Variants in AR observed in about 807,000 individuals in gnomAD.
AR encodes the protein dihydrotestosterone receptor.
In AR, 8 loss-of-function variants were observed where a neutral mutation model predicts 53.9. That is an observed-to-expected ratio of 0.15 (90% CI 0.09 to 0.27). AR has a LOEUF of 0.27. Ranked by LOEUF, AR falls within the 10% of genes least tolerant of loss-of-function variation. The pLI is 1.00. For synonymous variants in AR, 359 were observed against 316.4 expected (o/e 1.13, Z -1.43); for missense variants, 639 against 742.5 (o/e 0.86, Z 1.62).
chrX:67,702,000 G>A (rs1052412600), intron 3 of AR, among the ~76,000 whole-genome samples: 1 of 111,270 alleles, frequency 9.0e-6, no homozygotes, highest in African/African-American at 3.3e-5. Context: ...CTGCTTTTGA[G>A]TTAGAAGTAG....
intron 2 of AR, among the ~76,000 whole-genome samples, chrX:67,685,774 G>A (rs2075962730): frequency 9.0e-6 from 1 of 110,854 alleles, no homozygotes; most frequent in African/African-American, 3.3e-5. Flanking sequence ...ATATCATCAG[G>A]ATCTGAATTG....
intron 3 of AR, among the ~76,000 whole-genome samples, chrX:67,701,061 A>T (rs1276999829): frequency 8.9e-6 from 1 of 111,915 alleles, no homozygotes; most frequent in Non-Finnish European, 1.9e-5. Context: ...GAACTTTCTG[A>T]GATGATGAAA....
intron 2 of AR, among the ~76,000 whole-genome samples, chrX:67,667,194 C>A (rs1417109984): frequency 8.9e-6 from 1 of 111,741 alleles, no homozygotes; most frequent in Non-Finnish European, 1.9e-5. Flanking sequence ...GGATTGATGT[C>A]TTAGATTTAA....
intron 3 of AR, among the ~76,000 whole-genome samples, chrX:67,706,611 T>C (rs1602268780): frequency 9.0e-6 from 1 of 111,600 alleles, no homozygotes; most frequent in African/African-American, 3.3e-5. Flanking sequence ...CCTGGATTCA[T>C]TGATTTTTTG....
intron 1 of AR, among the ~76,000 whole-genome samples, chrX:67,577,004 CTTTT>C (rs35442632): frequency 2.2e-5 from 2 of 90,806 alleles, no homozygotes; most frequent in Admixed American, 1.2e-4. Context: ...CTCTCTCTCT[CTTTT>C]TTTTTTTTTT....
rs1246452301 is a variant in AR, at chrX:67,725,098, C to T, written c.*1257C>T. The T allele has an allele frequency of 1.1e-5, 2 of 174,285 alleles. No homozygotes were observed. The highest frequency in any genetic ancestry group is 2.2e-5 in the Non-Finnish European group (2 of 91,493). 14.4% of individuals were successfully genotyped at this position (174,285 alleles called of 1,213,427 possible). A position where few individuals can be genotyped will look rare whatever the true frequency, so the allele number is the denominator to read the frequency against. Reference sequence around the variant, plus strand: ...CCACAAGCACCTTATGTCCTCCCTTCAGTGTTTTGTGGGCCTGAATTTCAT... The same window carrying T: ...CCACAAGCACCTTATGTCCTCCCTTTAGTGTTTTGTGGGCCTGAATTTCAT... On this transcript the variant is annotated 3_prime_UTR_variant, in exon 8 of 8. Coordinates refer to ENST00000374690, the MANE Select transcript of AR (RefSeq NM_000044.6).
intron 2 of AR, among the ~76,000 whole-genome samples, chrX:67,644,772 G>A (rs1925970138): frequency 9.0e-6 from 1 of 111,394 alleles, no homozygotes; most frequent in East Asian, 2.8e-4. Flanking sequence ...TGGTATTACT[G>A]AAAACATGCC....
chrX:67,728,343 T>A lies in AR; in HGVS notation c.*4502T>A. ...AGCTCCATCATTGCATGGTTGGAAA[T>A]GGAGCTGTTCTTAGCCACTGTGTTT... On this transcript the variant is annotated 3_prime_UTR_variant, in exon 8 of 8. Coordinates refer to ENST00000374690, the MANE Select transcript of AR (RefSeq NM_000044.6). The A allele has an allele frequency of 6.2e-6, 1 of 162,235 alleles. No individual in the cohort carries two copies. Among genetic ancestry groups the A allele is most frequent in the Non-Finnish European group, 1.2e-5 (1 of 84,058 alleles). 13.4% of individuals were successfully genotyped at this position (162,235 alleles called of 1,213,427 possible).
At chrX:67,643,855 C>T (rs1466943348) in intron 2 of AR, among the ~76,000 whole-genome samples, 1 of 111,593 alleles carries the variant, frequency 9.0e-6, no homozygotes, top group Non-Finnish European at 1.9e-5. Context: ...GCCTCGGCCC[C>T]AGAAAGGGAG....
At chrX:67,618,884 C>G (rs779353270) in intron 1 of AR, among the ~76,000 whole-genome samples, 46 of 111,407 alleles carry the variant, frequency 4.1e-4, no homozygotes, top group African/African-American at 1.4e-3. Flanking sequence ...CAGGGTGGTA[C>G]TGCTGGAAGG....
intron 1 of AR, among the ~76,000 whole-genome samples, chrX:67,622,352 A>T (rs761093097): frequency 9.0e-6 from 1 of 111,463 alleles, no homozygotes; most frequent in Non-Finnish European, 1.9e-5. Flanking sequence ...AAGACAGCAG[A>T]TGTGGCTTGG....
chrX:67,623,905 G>A (rs1183970310), intron 1 of AR, among the ~76,000 whole-genome samples: 1 of 111,243 alleles, frequency 9.0e-6, no homozygotes, highest in Non-Finnish European at 1.9e-5. Context: ...CTGAGATGGG[G>A]TAGTTTATGA....
intron 2 of AR, among the ~76,000 whole-genome samples, chrX:67,662,767 T>C (rs1327819048): frequency 9.0e-6 from 1 of 111,138 alleles, no homozygotes; most frequent in Non-Finnish European, 1.9e-5. Flanking sequence ...CTAAGTCTCT[T>C]TGTAGGTCTC....
Position 67,593,378 on chromosome X carries a change from C to T in AR, c.1616+46616C>T, listed in dbSNP as rs183094490. Among the ~76,000 whole-genome samples, 120 of 101,169 alleles carry T rather than the reference C, an allele frequency of 1.2e-3. 1 individual carries two copies. The highest frequency in any genetic ancestry group is 4.3e-3 in the African/African-American group (118 of 27,345). The allele number at this position is 101,169 out of a possible 115,157, so 87.9% of individuals were successfully genotyped here. A position where few individuals can be genotyped will look rare whatever the true frequency, so the allele number is the denominator to read the frequency against. On this transcript the variant is annotated intron_variant, in intron 1 of 7. Transcript: ENST00000374690. ...TTTTTTTTTTTCTTTTTTTTTGAGA[C>T]AGAGTCTTGCTCTGTCACCAGGCTG...
In AR at chrX:67,726,483, T is replaced by C; in HGVS notation, c.*2642T>C. 1 of 175,483 alleles carries C rather than the reference T, an allele frequency of 5.7e-6. No homozygotes were observed. Among genetic ancestry groups the C allele is most frequent in the Non-Finnish European group, 1.1e-5 (1 of 91,450 alleles). The allele number at this position is 175,483 out of a possible 1,213,427, so 14.5% of individuals were successfully genotyped here. ...CTCTCCTTTACATTTCTCTATCAAA[T>C]TTTTCATCTTTATGGGTTTCCCAAT... On this transcript the variant is annotated 3_prime_UTR_variant, in exon 8 of 8. Transcript: ENST00000374690.
At chrX:67,547,276 TA>T (rs762403412) in intron 1 of AR, among the ~76,000 whole-genome samples, 1 of 111,443 alleles carries the variant, frequency 9.0e-6, no homozygotes, top group Non-Finnish European at 1.9e-5. Context: ...AATTCTCGGT[TA>T]GGGAAAGAAA....
chrX:67,651,384 G>C, intron 2 of AR, among the ~76,000 whole-genome samples: 1 of 110,837 alleles, frequency 9.0e-6, no homozygotes, highest in Non-Finnish European at 1.9e-5. Context: ...CCTATCTGCT[G>C]TCCTTTTGAA....
At position 67,545,610 on chromosome X, in the gene AR, A is replaced by G. The variant is rs1474817684; in HGVS notation, c.464A>G (p.Glu155Gly). The part of the protein sequence containing the change: ...LPQQLPAPPD[E>G]DDSAAPSTLS... ...CAGCAGCTGCCAGCACCTCCGGACG[A>G]GGATGACTCAGCTGCCCCATCCACG... Residue 155 changes from glutamate (E) to glycine (G), a missense_variant, in exon 1 of 8, where the codon GAG (glutamate) becomes GGG (glycine). Around this residue, in one of 5 missense-constraint regions of AR, gnomAD observed 423 missense variants for 377.0 expected, o/e 1.12. Transcript: ENST00000374690. 5.1e-6 allele frequency: 6 copies of G among 1,186,977 alleles called. No individual in the cohort carries two copies. Among genetic ancestry groups the G allele is most frequent in the Non-Finnish European group, 4.5e-6 (4 of 883,664 alleles).
rs1033199792 is a variant in AR, at chrX:67,726,936, CCAAA to C, written c.*3099_*3102del. ...ACTGGAAAAGTCACAAGGACCATCT[CCAAA>C]CAAGTTGGCAGTGCTCGATGTGGAC... On this transcript the variant is annotated 3_prime_UTR_variant, in exon 8 of 8. Coordinates refer to ENST00000374690, the MANE Select transcript of AR (RefSeq NM_000044.6). 3 of 173,201 alleles carry C rather than the reference CCAAA, an allele frequency of 1.7e-5. No individual in the cohort carries two copies. Among genetic ancestry groups the C allele is most frequent in the African/African-American group, 8.8e-5 (3 of 33,992 alleles). 14.3% of individuals were successfully genotyped at this position (173,201 alleles called of 1,213,427 possible). A position where few individuals can be genotyped will look rare whatever the true frequency, so the allele number is the denominator to read the frequency against.
Sources: allele counts gnomAD v4.1 joint callset (sites outside exome capture counted in the v4.1 genomes callset), GRCh38; gene constraint gnomAD v4.1.1; regional missense constraint gnomAD v4.1.1; transcripts MANE v1.5; gene names NCBI Gene and HGNC (gene_info 2026-07-23, HGNC 2026-07-21).